PTPRD: variants seen among roughly 807,000 people sequenced by gnomAD.
PTPRD encodes receptor-type tyrosine-protein phosphatase delta.
In PTPRD, 34 loss-of-function variants were observed where a neutral mutation model predicts 214.5. The observed-to-expected ratio is 0.16, with a 90% CI of 0.12 to 0.21. The LOEUF is 0.21. PTPRD is among the 10% of genes least tolerant of loss of function. The probability of loss-of-function intolerance (pLI) is 1.00; values close to 1 mark genes in which losing one functional copy is unlikely to be tolerated. For missense variants in PTPRD, 2,545 were observed against 2,398.7 expected, an observed-to-expected ratio of 1.06 and a Z score of -1.27; for synonymous variants, 1,128 against 845.7, an observed-to-expected ratio of 1.33 and a Z score of -5.79.
At chr9:10,393,556 C>T (rs1396552552) in intron 2 of PTPRD, among the ~76,000 whole-genome samples, 2 of 150,624 alleles carry the variant, frequency 1.3e-5, no homozygotes, top group Non-Finnish European at 3.0e-5. Context: ...TTTGGGAAGC[C>T]AAGGAGGGAG....
At chr9:8,770,178 G>A (rs542276143) in intron 11 of PTPRD, among the ~76,000 whole-genome samples, 2 of 152,152 alleles carry the variant, frequency 1.3e-5, no homozygotes, top group South Asian at 4.2e-4. Context: ...CTACTCGGGG[G>A]GCTGAGGCAG....
chr9:9,569,516 G>C lies in PTPRD; in HGVS notation c.-237+5216C>G, dbSNP rs148930549. Among the ~76,000 whole-genome samples, 186 of 151,710 alleles carry C rather than the reference G, an allele frequency of 1.2e-3. 2 individuals carry two copies. Among genetic ancestry groups the C allele is most frequent in the Non-Finnish European group, 1.3e-3 (88 of 67,718 alleles). ...CTACCAGAATTAAATATATGCCATT[G>C]AAAGGCTTTAGTAAGCTTAAATATG... On this transcript the variant is annotated intron_variant, in intron 8 of 45. Transcript: ENST00000381196.
At chr9:10,245,814 A>G (rs2091987810) in intron 3 of PTPRD, among the ~76,000 whole-genome samples, 1 of 152,128 alleles carries the variant, frequency 6.6e-6, no homozygotes, top group Admixed American at 6.6e-5. Context: ...TGAAGGGTGC[A>G]AGCTAAGTAA....
chr9:10,126,707 A>T (rs990329024), intron 3 of PTPRD, among the ~76,000 whole-genome samples: 1 of 152,078 alleles, frequency 6.6e-6, no homozygotes, highest in South Asian at 2.1e-4. Flanking sequence ...AGCTGTCTAG[A>T]TATTTAGAAG....
chr9:9,047,003 T>A (rs1248169437), intron 10 of PTPRD, among the ~76,000 whole-genome samples: 1 of 152,168 alleles, frequency 6.6e-6, no homozygotes, highest in Non-Finnish European at 1.5e-5. Context: ...TGGTATGATC[T>A]TATATTTGGA....
At chr9:9,770,247 T>C (rs1392880408) in intron 5 of PTPRD, among the ~76,000 whole-genome samples, 1 of 152,222 alleles carries the variant, frequency 6.6e-6, no homozygotes. Flanking sequence ...CGTTCCTATT[T>C]CTCCACATAC....
chr9:8,344,041 A>G (rs895933743), intron 39 of PTPRD, among the ~76,000 whole-genome samples: 2 of 151,868 alleles, frequency 1.3e-5, no homozygotes, highest in Non-Finnish European at 2.9e-5. Flanking sequence ...ATATGCCATC[A>G]GATTGCAGTT....
intron 11 of PTPRD, among the ~76,000 whole-genome samples, chr9:8,949,556 C>G (rs1177474158): frequency 2.0e-5 from 3 of 152,040 alleles, no homozygotes; most frequent in African/African-American, 7.2e-5. Flanking sequence ...AGTCATGCAT[C>G]AGATTACAAA....
At chr9:9,837,353 G>C (rs1404142927) in intron 5 of PTPRD, among the ~76,000 whole-genome samples, 1 of 152,170 alleles carries the variant, frequency 6.6e-6, no homozygotes, top group African/African-American at 2.4e-5. Flanking sequence ...GCAGTGATAA[G>C]AAAGATGGAT....
intron 10 of PTPRD, among the ~76,000 whole-genome samples, chr9:9,026,949 T>C (rs1413166111): frequency 6.6e-6 from 1 of 151,602 alleles, no homozygotes; most frequent in Non-Finnish European, 1.5e-5. Flanking sequence ...CAGAGCTTCA[T>C]CTCTTAAACT....
intron 11 of PTPRD, among the ~76,000 whole-genome samples, chr9:8,946,573 A>G (rs2099065743): frequency 6.6e-6 from 1 of 152,172 alleles, no homozygotes; most frequent in Non-Finnish European, 1.5e-5. Flanking sequence ...GTCTCTGTTC[A>G]ACACTCTTGC....
chr9:8,540,230 G>C (rs376111549), intron 14 of PTPRD, among the ~76,000 whole-genome samples: 2 of 152,000 alleles, frequency 1.3e-5, no homozygotes, highest in African/African-American at 4.8e-5. Flanking sequence ...AAGCATCTGG[G>C]TAGCTAGATA....
chr9:9,020,571 G>A (rs1234927407), intron 10 of PTPRD, among the ~76,000 whole-genome samples: 1 of 152,108 alleles, frequency 6.6e-6, no homozygotes, highest in African/African-American at 2.4e-5. Flanking sequence ...ACAACTGAGT[G>A]CACGTGCTGC....
At chr9:8,852,711 G>T (rs1480467573) in intron 11 of PTPRD, among the ~76,000 whole-genome samples, 1 of 152,150 alleles carries the variant, frequency 6.6e-6, no homozygotes, top group African/African-American at 2.4e-5. Flanking sequence ...GACACATAGG[G>T]ATTTGATTTG....
At chr9:8,663,465 T>A (rs1422797505) in intron 12 of PTPRD, among the ~76,000 whole-genome samples, 3 of 151,878 alleles carry the variant, frequency 2.0e-5, no homozygotes, top group African/African-American at 4.8e-5. Flanking sequence ...TAGCTGTGAT[T>A]GAGGATTTTA....
At chr9:9,411,066 T>C (rs921383443) in intron 8 of PTPRD, among the ~76,000 whole-genome samples, 1 of 152,092 alleles carries the variant, frequency 6.6e-6, no homozygotes, top group African/African-American at 2.4e-5. Flanking sequence ...TGTGTGTGTG[T>C]TGGACTAGAA....
intron 7 of PTPRD, among the ~76,000 whole-genome samples, chr9:9,679,807 A>G (rs560997563): frequency 8.5e-5 from 13 of 152,054 alleles, no homozygotes; most frequent in East Asian, 5.8e-4. Context: ...GTTTTGATTA[A>G]AAACAAATTG....
intron 8 of PTPRD, among the ~76,000 whole-genome samples, chr9:9,499,552 T>C (rs374755729): frequency 2.6e-5 from 4 of 152,220 alleles, no homozygotes; most frequent in East Asian, 3.9e-4. Context: ...ATTAAGACAT[T>C]ATTTTTGCTG....
intron 10 of PTPRD, among the ~76,000 whole-genome samples, chr9:9,047,215 T>C (rs1219549518): frequency 6.6e-6 from 1 of 152,000 alleles, no homozygotes; most frequent in Non-Finnish European, 1.5e-5. Flanking sequence ...AAAATCTCTA[T>C]AATGAAAACT....
Sources: gnomAD v4.1 joint callset for allele counts (sites outside exome capture counted in the v4.1 genomes callset) on GRCh38, gnomAD v4.1.1 for gene constraint, MANE v1.5 for transcripts, NCBI Gene and HGNC (gene_info 2026-07-23, HGNC 2026-07-21) for gene names.